The following SPPL2A variants were observed in gnomAD, a reference collection of about 807,000 sequenced individuals.
SPPL2A encodes the protein signal peptide peptidase like 2A.
Under a neutral mutation model 63.8 loss-of-function variants are expected in SPPL2A, and 51 were observed. That is an observed-to-expected ratio of 0.80 (90% confidence interval 0.64 to 1.01). The LOEUF (loss-of-function observed/expected upper bound fraction) is 1.01. SPPL2A is among the 50% of genes least tolerant of loss of function. The pLI, the probability that SPPL2A is intolerant of heterozygous loss-of-function variation, is 0.00. For synonymous variants in SPPL2A, 188 were observed against 205.8 expected, an observed-to-expected ratio of 0.91 and a Z score of 0.74; for missense variants, 553 against 622.7, an observed-to-expected ratio of 0.89 and a Z score of 1.19.
chr15:50,708,985 C>T (rs1288744734), intron 14 of SPPL2A, among the ~76,000 whole-genome samples: 2 of 151,516 alleles, frequency 1.3e-5, no homozygotes, highest in East Asian at 1.9e-4. Context: ...TGCAGTGAGC[C>T]GAGATCGTGC....
At chr15:50,749,018 A>C in intron 2 of SPPL2A, 148 bp from the exon 3 acceptor site, 1 of 477,648 alleles carries the variant, frequency 2.1e-6, no homozygotes, top group Non-Finnish European at 3.6e-6. Context: ...TAAGTATTTT[A>C]AAATTCCCTA....
chr15:50,716,524 C>T (rs2141021752), intron 14 of SPPL2A, among the ~76,000 whole-genome samples: 1 of 152,164 alleles, frequency 6.6e-6, no homozygotes, highest in African/African-American at 2.4e-5. Context: ...TAATAAAATA[C>T]TTTAAAAGCT....
At chr15:50,714,904 C>G (rs1435212787) in intron 14 of SPPL2A, among the ~76,000 whole-genome samples, 1 of 151,938 alleles carries the variant, frequency 6.6e-6, no homozygotes, top group Non-Finnish European at 1.5e-5. Flanking sequence ...GATTGTGCCA[C>G]TGTACTCCAG....
chr15:50,740,724 C>A, intron 5 of SPPL2A, among the ~76,000 whole-genome samples: 1 of 151,794 alleles, frequency 6.6e-6, no homozygotes, highest in Non-Finnish European at 1.5e-5. Context: ...AATTCTCCTG[C>A]CTCAGCCTCC....
At chr15:50,719,722 G>GTT (rs10708490) in intron 14 of SPPL2A, among the ~76,000 whole-genome samples, 10 of 147,932 alleles carry the variant, frequency 6.8e-5, no homozygotes, top group Non-Finnish European at 1.0e-4. Flanking sequence ...GTCCTCTGCT[G>GTT]TTTTTTTTTT....
chr15:50,743,972 C>T (rs12912994), intron 5 of SPPL2A, among the ~76,000 whole-genome samples: 2 of 151,588 alleles, frequency 1.3e-5, no homozygotes, highest in Non-Finnish European at 1.5e-5. Context: ...GTCAGGAGTT[C>T]GAGACCAACC....
At position 50,748,889 on chromosome 15, in the gene SPPL2A, T is replaced by C; in HGVS notation, c.178-19A>G. On this transcript the variant is annotated intron_variant, in intron 2 of 14. Transcript: ENST00000261854. ...TGGAAGTCTGAAAATAAGAAATGTC[T>C]TTTTAACATGTTAAAAATCTATTTC... The C allele has an allele frequency of 6.6e-7, 1 of 1,511,916 alleles. No homozygotes were observed. Among genetic ancestry groups the C allele is most frequent in the African/African-American group, 1.4e-5 (1 of 70,276 alleles). 93.7% of individuals were successfully genotyped at this position (1,511,916 alleles called of 1,614,324 possible). A position where few individuals can be genotyped will look rare whatever the true frequency, so the allele number is the denominator to read the frequency against.
chr15:50,762,725 TTTTTC>T (rs1367670510), intron 1 of SPPL2A, among the ~76,000 whole-genome samples: 2 of 149,000 alleles, frequency 1.3e-5, no homozygotes, highest in Admixed American at 6.8e-5. Context: ...CCAGTTTCTT[TTTTTC>T]TTTTCTTTTT....
chr15:50,732,484 A>G, intron 9 of SPPL2A, 119 bp downstream of exon 9: 1 of 616,838 alleles, frequency 1.6e-6, no homozygotes, highest in South Asian at 2.2e-5. Context: ...ACACATTCAT[A>G]AAATTTTCAT....
intron 1 of SPPL2A, among the ~76,000 whole-genome samples, chr15:50,754,761 T>C (rs1277482936): frequency 6.6e-6 from 1 of 152,000 alleles, no homozygotes; most frequent in African/African-American, 2.4e-5. Flanking sequence ...GGTGGGCGGA[T>C]CAACTGAGGT....
In SPPL2A at chr15:50,749,671, A is replaced by C; in HGVS notation, c.142T>G (p.Tyr48Asp). 1 of 1,611,156 alleles carries C rather than the reference A, an allele frequency of 6.2e-7. No individual in the cohort carries two copies. The highest frequency in any genetic ancestry group is 1.1e-5 in the South Asian group (1 of 91,030). ...TKDYCMLYNPYWTALPSTLEN... is the reference protein window; with the variant it reads ...TKDYCMLYNPDWTALPSTLEN... The stretch of plus-strand genomic sequence containing the variant: ...AGGGTACTTGGAAGAGCTGTCCAAT[A>C]AGGGTTATAAAGCATGCAGTAGTCC... The change falls in exon 2 of 15, where the codon TAT becomes GAT. Residue 48 changes from tyrosine to aspartate, a missense_variant. Coordinates refer to ENST00000261854, the MANE Select transcript of SPPL2A (RefSeq NM_032802.4).
chr15:50,754,128 G>A (rs1030249084), intron 1 of SPPL2A, among the ~76,000 whole-genome samples: 1 of 152,128 alleles, frequency 6.6e-6, no homozygotes, highest in Admixed American at 6.6e-5. Context: ...TTATTTTAAA[G>A]CAGTTTTAGT....
At chr15:50,745,095 C>T (rs7182865) in intron 5 of SPPL2A, among the ~76,000 whole-genome samples, 38,044 of 151,994 alleles carry the variant, frequency 0.25, 5,720 homozygotes, top group East Asian at 0.55. Flanking sequence ...TTTTTCATTT[C>T]TTTCAATAAA....
At chr15:50,754,534 T>A (rs1025378848) in intron 1 of SPPL2A, among the ~76,000 whole-genome samples, 1 of 152,178 alleles carries the variant, frequency 6.6e-6, no homozygotes, top group Admixed American at 6.5e-5. Context: ...GGGTGAATTG[T>A]TTGGTATGCA....
At chr15:50,743,570 C>T (rs1337713162) in intron 5 of SPPL2A, among the ~76,000 whole-genome samples, 1 of 151,946 alleles carries the variant, frequency 6.6e-6, no homozygotes, top group African/African-American at 2.4e-5. Flanking sequence ...TGGTCTCAAA[C>T]TCCTGGGCAC....
intron 7 of SPPL2A, 68 bp from the exon 8 acceptor site, chr15:50,736,270 C>A (rs1365367582): frequency 1.3e-5 from 12 of 913,164 alleles, no homozygotes; most frequent in East Asian, 9.7e-5. Context: ...TAAGAAGTAG[C>A]AAATATTAAC....
At chr15:50,723,290 A>G (rs1285774546) in intron 12 of SPPL2A, among the ~76,000 whole-genome samples, 1 of 152,212 alleles carries the variant, frequency 6.6e-6, no homozygotes, top group East Asian at 1.9e-4. Context: ...ATTAGGTCTA[A>G]TAATCCCACT....
In SPPL2A at chr15:50,720,012, T is replaced by A; in HGVS notation, c.1416A>T (p.Thr472=). The A allele has an allele frequency of 6.2e-7, 1 of 1,613,794 alleles. No individual in the cohort carries two copies. Among genetic ancestry groups the A allele is most frequent in the East Asian group, 2.2e-5 (1 of 44,862 alleles). ...QPALLYLVPC[T]LITASVVAWR... is the part of the protein sequence containing the mutation. ...AGGCAACAACTGAGGCAGTAATAAG[T>A]GTGCAAGGTACTAAATAGAGGAGAG... The change falls in exon 14 of 15, where the codon ACA becomes ACT. Residue 472 remains threonine (T), a synonymous_variant. Coordinates refer to ENST00000261854, the MANE Select transcript of SPPL2A (RefSeq NM_032802.4).
chr15:50,739,277 C>T (rs1412472495), intron 6 of SPPL2A, among the ~76,000 whole-genome samples: 5 of 148,870 alleles, frequency 3.4e-5, no homozygotes, highest in African/African-American at 1.2e-4. Context: ...CTCCCAGGTT[C>T]GAGCGATTCT....
Sources: allele counts gnomAD v4.1 joint callset (sites outside exome capture counted in the v4.1 genomes callset), GRCh38; gene constraint gnomAD v4.1.1; transcripts MANE v1.5; gene names NCBI Gene and HGNC (gene_info 2026-07-23, HGNC 2026-07-21).